Variants in NMRK1 observed in about 807,000 individuals in gnomAD.
NMRK1 encodes nicotinamide riboside kinase 1.
A neutral mutation model predicts 29.9 loss-of-function variants in NMRK1; 28 were observed. That is an observed-to-expected ratio of 0.94 (90% CI 0.69 to 1.28). The LOEUF is 1.28. NMRK1 is among the 50% of genes most tolerant of loss of function. NMRK1 has a pLI of 0.00. For synonymous variants in NMRK1, 58 were observed against 73.0 expected, an observed-to-expected ratio of 0.79 and a Z score of 1.05; for missense variants, 218 against 233.1, an observed-to-expected ratio of 0.94 and a Z score of 0.42.
chr9:75,081,126 T>C (rs1318704648), intron 2 of NMRK1, among the ~76,000 whole-genome samples: 1 of 152,210 alleles, frequency 6.6e-6, no homozygotes, highest in African/African-American at 2.4e-5. Context: ...TATTTGCAAT[T>C]GAATAATTAC....
intron 4 of NMRK1, among the ~76,000 whole-genome samples, chr9:75,075,506 T>C (rs1564134410): frequency 6.6e-6 from 1 of 152,238 alleles, no homozygotes; most frequent in South Asian, 2.1e-4. Flanking sequence ...ACATTATGAC[T>C]TTTTAAAGAG....
At chr9:75,064,980 C>A (rs1298516361) in intron 8 of NMRK1, among the ~76,000 whole-genome samples, 1 of 152,116 alleles carries the variant, frequency 6.6e-6, no homozygotes, top group Non-Finnish European at 1.5e-5. Flanking sequence ...TACCTCCTGC[C>A]CTGCTTTCTC....
rs115697608 is a variant in NMRK1 at position 75,072,600 on chromosome 9, C to G, written c.170-2558G>C. 3.0e-3 allele frequency among the ~76,000 whole-genome samples: 462 copies of G among 152,218 alleles called. 1 individual carries two copies. The highest frequency in any genetic ancestry group is 0.011 in the African/African-American group (453 of 41,534). On this transcript the variant is annotated intron_variant, in intron 4 of 8. Transcript: ENST00000361092. ...GGTCAAAATTTCATCATTATTAAAACTGGATGGCGAACTCAAGAGAGAGTT... is the reference window on the plus strand; with the variant it reads ...GGTCAAAATTTCATCATTATTAAAAGTGGATGGCGAACTCAAGAGAGAGTT...
intron 1 of NMRK1, among the ~76,000 whole-genome samples, chr9:75,083,402 G>A (rs937462019): frequency 3.3e-5 from 5 of 152,198 alleles, no homozygotes; most frequent in Non-Finnish European, 7.4e-5. Flanking sequence ...CCCCTTGAAC[G>A]TCTGTTTTCT....
At chr9:75,082,643 G>T (rs41310077) in intron 2 of NMRK1, 1,752 of 160,948 alleles carry the variant, frequency 0.011, 11 homozygotes, top group Non-Finnish European at 0.018. Flanking sequence ...TGGGCAACAT[G>T]GGACATAAGG....
intron 2 of NMRK1, among the ~76,000 whole-genome samples, chr9:75,077,952 T>TC (rs1440944657): frequency 1.3e-5 from 2 of 152,142 alleles, no homozygotes; most frequent in Admixed American, 6.5e-5. Context: ...TTTAAAATAA[T>TC]TTTTTAAGAG....
chr9:75,067,080 T>A, intron 7 of NMRK1: 1 of 351,260 alleles, frequency 2.8e-6, no homozygotes, highest in Non-Finnish European at 5.2e-6. Context: ...AATTATTTAA[T>A]TAAAAGAGAA....
chr9:75,069,514 A>C, intron 6 of NMRK1: 1 of 522,386 alleles, frequency 1.9e-6, no homozygotes, highest in Non-Finnish European at 3.3e-6. Flanking sequence ...GATTTAGGAG[A>C]AATGAGCCGA....
At chr9:75,084,043 T>C (rs977535759) in intron 1 of NMRK1, among the ~76,000 whole-genome samples, 3 of 152,204 alleles carry the variant, frequency 2.0e-5, no homozygotes, top group Non-Finnish European at 4.4e-5. Context: ...TTGTGGATTT[T>C]TGGTTTAGGG....
intron 4 of NMRK1, among the ~76,000 whole-genome samples, chr9:75,074,059 T>C (rs1051177151): frequency 2.0e-5 from 3 of 152,138 alleles, no homozygotes; most frequent in South Asian, 4.1e-4. Flanking sequence ...ATATCCTTTT[T>C]CTTTTTTTTC....
In NMRK1 at chr9:75,066,796, C is replaced by T. The variant is rs747246056; in HGVS notation, c.541G>A (p.Val181Ile). The T allele has an allele frequency of 9.3e-6, 15 of 1,609,706 alleles. No individual in the cohort carries two copies. The highest frequency in any genetic ancestry group is 2.7e-5 in the African/African-American group (2 of 74,910). ...TKSEEDLFLQ[V>I]YEDLIQELAK... Reference sequence around the variant, plus strand: ...AGTTCTTGTATTAGATCTTCATATACTTGCAAAAAGAGGTCCTCTTCAGAT... The same window carrying T: ...AGTTCTTGTATTAGATCTTCATATATTTGCAAAAAGAGGTCCTCTTCAGAT... Residue 181 changes from valine (V) to isoleucine (I), a missense_variant, in exon 8 of 9, where the codon GTA becomes ATA. Val to Ile is a conservative substitution (Grantham distance 29, BLOSUM62 3). Coordinates refer to ENST00000361092, the MANE Select transcript of NMRK1 (RefSeq NM_017881.3).
At chr9:75,083,524 G>A (rs1019185677) in intron 1 of NMRK1, among the ~76,000 whole-genome samples, 4 of 152,226 alleles carry the variant, frequency 2.6e-5, no homozygotes, top group African/African-American at 9.7e-5. Flanking sequence ...CTCATTATCA[G>A]TGAGGGAGGG....
At chr9:75,068,518 T>C (rs1021275209) in intron 7 of NMRK1, among the ~76,000 whole-genome samples, 2 of 152,202 alleles carry the variant, frequency 1.3e-5, no homozygotes, top group African/African-American at 2.4e-5. Flanking sequence ...GGTAATCTTC[T>C]ATCTCCCCAA....
chr9:75,083,164 A>G lies in NMRK1; in HGVS notation c.-35-14T>C, dbSNP rs753325858. 1 of 1,278,134 alleles carries G rather than the reference A, an allele frequency of 7.8e-7. No individual in the cohort carries two copies. 79.2% of individuals were successfully genotyped at this position (1,278,134 alleles called of 1,614,324 possible). ...TCCTAATATTTCCTAAAAGTAAAAA[A>G]ACAAACAAACAAATCAAATGCATTT... On this transcript the variant is annotated splice_polypyrimidine_tract_variant and intron_variant, in intron 1 of 8. Transcript: ENST00000361092.
chr9:75,064,370 G>A (rs887387518), intron 8 of NMRK1, among the ~76,000 whole-genome samples: 6 of 152,096 alleles, frequency 3.9e-5, no homozygotes, highest in African/African-American at 1.2e-4. Flanking sequence ...GACAGAAAGG[G>A]GAGCCAATAA....
At chr9:75,077,420 T>A in intron 3 of NMRK1, 70 bp downstream of exon 3, 4 of 1,146,542 alleles carry the variant, frequency 3.5e-6, no homozygotes, top group Non-Finnish European at 5.2e-6. Context: ...ACTTCTTGGA[T>A]GTAATTCAAT....
chr9:75,086,910 T>TG (rs1056309254), intron 1 of NMRK1, among the ~76,000 whole-genome samples: 28 of 146,850 alleles, frequency 1.9e-4, no homozygotes, highest in African/African-American at 7.3e-4. Context: ...AAGGCTGGGT[T>TG]TTTTTTTTTT....
At chr9:75,077,010 C>T (rs1172924924) in intron 4 of NMRK1, 149 bp downstream of exon 4, 4 of 586,104 alleles carry the variant, frequency 6.8e-6, no homozygotes, top group Admixed American at 3.1e-5. Context: ...TATTTAAACA[C>T]ATTTTAAGAC....
At chr9:75,070,133 A>G in intron 4 of NMRK1, 91 bp from the exon 5 acceptor site, 1 of 886,868 alleles carries the variant, frequency 1.1e-6, no homozygotes, top group Non-Finnish European at 1.7e-6. Context: ...GATTCTGTAA[A>G]TATATACACC....
Sources: allele counts gnomAD v4.1 joint callset (sites outside exome capture counted in the v4.1 genomes callset), GRCh38; gene constraint gnomAD v4.1.1; transcripts MANE v1.5; gene names NCBI Gene and HGNC (gene_info 2026-07-23, HGNC 2026-07-21).